RBFOX1: variants seen among roughly 807,000 people sequenced by gnomAD.
RBFOX1 encodes the protein RNA binding protein fox-1 homolog 1.
In RBFOX1, 8 loss-of-function variants were observed where a neutral mutation model predicts 57.7. The observed-to-expected ratio is 0.14, with a 90% confidence interval of 0.08 to 0.25. The LOEUF (loss-of-function observed/expected upper bound fraction) is 0.25, where lower values mean the gene tolerates loss of function less well. Ranked by LOEUF, RBFOX1 falls within the 10% of genes least tolerant of loss-of-function variation. The pLI is 1.00. For missense variants in RBFOX1, 611 were observed against 548.5 expected, an observed-to-expected ratio of 1.11 and a Z score of -1.14; for synonymous variants, 326 against 222.4, an observed-to-expected ratio of 1.47 and a Z score of -4.15.
At chr16:6,944,380 C>G (rs1185929021) in intron 3 of RBFOX1, among the ~76,000 whole-genome samples, 5 of 135,902 alleles carry the variant, frequency 3.7e-5, no homozygotes, top group Non-Finnish European at 7.7e-5. Flanking sequence ...GGCAACAGAG[C>G]AAGACTCCAT....
chr16:7,275,082 G>T (rs1038944476), intron 4 of RBFOX1, among the ~76,000 whole-genome samples: 6 of 152,132 alleles, frequency 3.9e-5, no homozygotes, highest in African/African-American at 9.7e-5. Context: ...GAGCGGGCAG[G>T]GTTCTGGATC....
chr16:5,682,711 A>C lies in RBFOX1; in HGVS notation c.318+83750A>C, dbSNP rs530416608. On this transcript the variant is annotated intron_variant, in intron 3 of 19. Coordinates refer to the RBFOX1 transcript ENST00000641259. The stretch of plus-strand genomic sequence containing the variant: ...GTTTTATCCAAGGTTGTCCGAGTCT[A>C]ACAACACTATGTTGAAAGAGAGGTG... 5.3e-5 allele frequency among the ~76,000 whole-genome samples: 8 copies of C among 152,380 alleles called. No homozygotes were observed. The South Asian group carries it at 1.7e-3, about 32-fold the overall frequency.
chr16:5,496,247 A>G (rs998134577), intron 2 of RBFOX1, among the ~76,000 whole-genome samples: 2 of 152,214 alleles, frequency 1.3e-5, no homozygotes, highest in Non-Finnish European at 2.9e-5. Context: ...TCCCTTTGCA[A>G]TAAATCTCTG....
chr16:7,230,265 A>G (rs946550505), intron 4 of RBFOX1, among the ~76,000 whole-genome samples: 1 of 152,102 alleles, frequency 6.6e-6, no homozygotes, highest in Non-Finnish European at 1.5e-5. Context: ...AACAAAATAA[A>G]CAAACAGAAA....
chr16:6,291,922 A>G (rs2077506571), intron 1 of RBFOX1, among the ~76,000 whole-genome samples: 1 of 151,898 alleles, frequency 6.6e-6, no homozygotes, highest in South Asian at 2.1e-4. Context: ...TAATCTTTCA[A>G]AAGTTATAGA....
chr16:5,338,595 A>G (rs540023254), intron 1 of RBFOX1, among the ~76,000 whole-genome samples: 4 of 152,204 alleles, frequency 2.6e-5, no homozygotes, highest in East Asian at 1.9e-4. Flanking sequence ...TTAAGGAAAG[A>G]TGCATAGACT....
At chr16:7,119,224 C>G (rs149278446) in intron 4 of RBFOX1, among the ~76,000 whole-genome samples, 2 of 152,076 alleles carry the variant, frequency 1.3e-5, no homozygotes, top group South Asian at 2.1e-4. Context: ...ACTGTAGGTA[C>G]AAGGCAGTAA....
chr16:5,297,186 T>C (rs1262188484), intron 1 of RBFOX1, among the ~76,000 whole-genome samples: 1 of 152,224 alleles, frequency 6.6e-6, no homozygotes, highest in Non-Finnish European at 1.5e-5. Flanking sequence ...ATGCCATGTA[T>C]TGGCTATTGT....
chr16:6,275,602 A>G (rs1380965453), intron 1 of RBFOX1, among the ~76,000 whole-genome samples: 2 of 152,232 alleles, frequency 1.3e-5, no homozygotes, highest in Non-Finnish European at 2.9e-5. Context: ...ATCTGTACAT[A>G]TAGTCCTAAA....
At chr16:5,760,891 A>G (rs1246843226) in intron 3 of RBFOX1, among the ~76,000 whole-genome samples, 2 of 152,168 alleles carry the variant, frequency 1.3e-5, no homozygotes, top group African/African-American at 2.4e-5. Flanking sequence ...GGTGATGAAA[A>G]TATTTTGGAA....
intron 3 of RBFOX1, among the ~76,000 whole-genome samples, chr16:6,788,214 C>G (rs1366415995): frequency 6.6e-6 from 1 of 151,966 alleles, no homozygotes; most frequent in Non-Finnish European, 1.5e-5. Context: ...AAGTGAAACT[C>G]CATCTAAAAT....
At chr16:5,932,447 C>T (rs1159043996) in intron 4 of RBFOX1, among the ~76,000 whole-genome samples, 2 of 152,068 alleles carry the variant, frequency 1.3e-5, no homozygotes, top group African/African-American at 2.4e-5. Flanking sequence ...TCAGCAAGGT[C>T]GACAGTTTGA....
At chr16:6,893,398 C>T (rs771387374) in intron 3 of RBFOX1, among the ~76,000 whole-genome samples, 4 of 152,188 alleles carry the variant, frequency 2.6e-5, no homozygotes, top group Admixed American at 6.5e-5. Context: ...TTCTTTATCC[C>T]TGTACCATGC....
intron 2 of RBFOX1, among the ~76,000 whole-genome samples, chr16:6,456,141 T>A (rs1237246084): frequency 6.6e-6 from 1 of 152,198 alleles, no homozygotes; most frequent in Admixed American, 6.5e-5. Flanking sequence ...GGGGTTTTGA[T>A]AGATGCTGGG....
At chr16:7,652,162 C>G (rs1410504342) in intron 11 of RBFOX1, among the ~76,000 whole-genome samples, 1 of 151,750 alleles carries the variant, frequency 6.6e-6, no homozygotes, top group African/African-American at 2.4e-5. Context: ...GGTCATTATG[C>G]TCAGAGCACT....
At chr16:7,137,240 C>T (rs1367426302) in intron 4 of RBFOX1, among the ~76,000 whole-genome samples, 1 of 152,150 alleles carries the variant, frequency 6.6e-6, no homozygotes, top group Non-Finnish European at 1.5e-5. Context: ...AGAGGCTTTC[C>T]AGCTTTAGAA....
At chr16:6,601,851 G>C (rs1475589480) in intron 2 of RBFOX1, among the ~76,000 whole-genome samples, 2 of 152,198 alleles carry the variant, frequency 1.3e-5, no homozygotes, top group African/African-American at 4.8e-5. Context: ...AGAGGGGTTA[G>C]AGCTTGAAGA....
At chr16:5,583,578 C>T (rs1431717705) in intron 2 of RBFOX1, among the ~76,000 whole-genome samples, 3 of 152,156 alleles carry the variant, frequency 2.0e-5, no homozygotes, top group African/African-American at 4.8e-5. Context: ...GCCTGATTCA[C>T]GAATTGTTTC....
chr16:5,471,990 G>A (rs1268366491), intron 2 of RBFOX1, among the ~76,000 whole-genome samples: 2 of 152,146 alleles, frequency 1.3e-5, no homozygotes, highest in East Asian at 1.9e-4. Context: ...ATGAAAGCAG[G>A]CAGGCTGTTT....
Sources: allele counts gnomAD v4.1 joint callset (sites outside exome capture counted in the v4.1 genomes callset), GRCh38; gene constraint gnomAD v4.1.1; transcripts MANE v1.5; gene names NCBI Gene and HGNC (gene_info 2026-07-23, HGNC 2026-07-21).